SHISA6: variants seen among roughly 807,000 people sequenced by gnomAD.
SHISA6 encodes shisa family member 6, also known as protein shisa-6.
SHISA6 carries 22 observed loss-of-function variants against 47.9 expected under a neutral mutation model. The observed-to-expected ratio is 0.46, with a 90% CI of 0.33 to 0.66. The LOEUF is 0.66. Among genes scored for constraint, SHISA6 ranks in the 30% least tolerant of loss-of-function variants. The pLI, the probability that SHISA6 is intolerant of heterozygous loss-of-function variation, is 0.02. For missense variants in SHISA6, 680 were observed against 764.6 expected, an observed-to-expected ratio of 0.89 and a Z score of 1.30; for synonymous variants, 388 against 337.8, an observed-to-expected ratio of 1.15 and a Z score of -1.63.
At chr17:11,459,151 G>A (rs1470691632) in intron 3 of SHISA6, among the ~76,000 whole-genome samples, 3 of 150,862 alleles carry the variant, frequency 2.0e-5, no homozygotes, top group South Asian at 2.1e-4. Flanking sequence ...CCTGGGAGGT[G>A]GAGCTTGCAG....
At chr17:11,417,039 AATT>A (rs1914301346) in intron 3 of SHISA6, among the ~76,000 whole-genome samples, 1 of 152,206 alleles carries the variant, frequency 6.6e-6, no homozygotes, top group African/African-American at 2.4e-5. Flanking sequence ...ATTAAAATAA[AATT>A]ATATGAAATC....
chr17:11,539,827 C>T lies in SHISA6; in HGVS notation c.896-12069C>T, dbSNP rs190111991. Among the ~76,000 whole-genome samples the T allele has an allele frequency of 2.0e-5, 3 of 152,256 alleles. No individual in the cohort carries two copies. In the East Asian group the frequency reaches 5.8e-4, roughly 29 times the overall value. Reference sequence around the variant, plus strand: ...TCAATCCATCAGGAAGGCTGATATCCCTGACTGGGCACTGTGCCAAAGCCC... The same window carrying T: ...TCAATCCATCAGGAAGGCTGATATCTCTGACTGGGCACTGTGCCAAAGCCC... On this transcript the variant is annotated intron_variant, in intron 3 of 5. Coordinates refer to ENST00000441885, the MANE Select transcript of SHISA6 (RefSeq NM_207386.4).
At chr17:11,415,078 TAA>T (rs5819316) in intron 3 of SHISA6, among the ~76,000 whole-genome samples, 10 of 137,632 alleles carry the variant, frequency 7.3e-5, no homozygotes, top group African/African-American at 8.1e-5. Flanking sequence ...AAACTCCATC[TAA>T]AAAAAAAAAA....
At chr17:11,337,018 C>A (rs1316399891) in intron 2 of SHISA6, among the ~76,000 whole-genome samples, 1 of 152,138 alleles carries the variant, frequency 6.6e-6, no homozygotes, top group Non-Finnish European at 1.5e-5. Context: ...GGGATGTAGA[C>A]CCAAATGGAC....
At chr17:11,353,172 A>G (rs967637470) in intron 2 of SHISA6, among the ~76,000 whole-genome samples, 2 of 152,052 alleles carry the variant, frequency 1.3e-5, no homozygotes, top group African/African-American at 4.8e-5. Context: ...AAAAAGGAGA[A>G]CACGGGCCGG....
intron 4 of SHISA6, among the ~76,000 whole-genome samples, chr17:11,554,513 C>A (rs1294823391): frequency 6.6e-6 from 1 of 152,174 alleles, no homozygotes; most frequent in East Asian, 1.9e-4. Flanking sequence ...TTCCTGCTTT[C>A]CACGTTTCCA....
chr17:11,398,611 T>G (rs1913657210), intron 3 of SHISA6, among the ~76,000 whole-genome samples: 2 of 152,080 alleles, frequency 1.3e-5, no homozygotes. Flanking sequence ...TTGTTTTTTT[T>G]TTGACAGACT....
At chr17:11,344,082 A>G (rs907730601) in intron 2 of SHISA6, among the ~76,000 whole-genome samples, 1 of 152,162 alleles carries the variant, frequency 6.6e-6, no homozygotes, top group African/African-American at 2.4e-5. Flanking sequence ...GGCTAATGAC[A>G]TTAGGCATCT....
In SHISA6 at chr17:11,372,651, T is replaced by C. The variant is rs549213933; in HGVS notation, c.800-6763T>C. 3.9e-5 allele frequency among the ~76,000 whole-genome samples: 6 copies of C among 152,330 alleles called. No individual in the cohort carries two copies. In the South Asian group the frequency reaches 8.3e-4, roughly 21 times the overall value. On this transcript the variant is annotated intron_variant, in intron 2 of 5. Coordinates refer to ENST00000441885, the MANE Select transcript of SHISA6 (RefSeq NM_207386.4). The stretch of plus-strand genomic sequence containing the variant: ...TTTGTACCTGTGTGCCTTTTCATTA[T>C]TGACATGCTGGAGTTTTTTGTAAAC...
chr17:11,523,192 AG>A (rs1319878566), intron 3 of SHISA6, among the ~76,000 whole-genome samples: 2 of 152,220 alleles, frequency 1.3e-5, no homozygotes, highest in Non-Finnish European at 2.9e-5. Context: ...GGCACGTTCT[AG>A]GGCTGAGCAG....
intron 3 of SHISA6, among the ~76,000 whole-genome samples, chr17:11,527,671 T>C (rs1369707147): frequency 2.6e-5 from 4 of 152,174 alleles, no homozygotes; most frequent in Non-Finnish European, 4.4e-5. Context: ...TTTTTGTAAA[T>C]AAAGTTTTAT....
chr17:11,484,423 CAG>C (rs1362730947), intron 3 of SHISA6, among the ~76,000 whole-genome samples: 1 of 152,248 alleles, frequency 6.6e-6, no homozygotes, highest in South Asian at 2.1e-4. Flanking sequence ...TGTTTTGAGA[CAG>C]AGTCTTGCTC....
chr17:11,364,396 C>A (rs1247946062), intron 2 of SHISA6, among the ~76,000 whole-genome samples: 2 of 152,188 alleles, frequency 1.3e-5, no homozygotes, highest in Non-Finnish European at 1.5e-5. Context: ...TCTTGGTCTT[C>A]ATACAAATGA....
chr17:11,347,488 C>G (rs758388879), intron 2 of SHISA6, among the ~76,000 whole-genome samples: 5 of 152,196 alleles, frequency 3.3e-5, no homozygotes, highest in Non-Finnish European at 7.4e-5. Flanking sequence ...ATATCAGAAC[C>G]TATAATACAT....
chr17:11,556,116 T>G (rs1305458748), intron 5 of SHISA6, among the ~76,000 whole-genome samples: 5 of 152,194 alleles, frequency 3.3e-5, no homozygotes, highest in Admixed American at 6.5e-5. Context: ...AATCCTCAGA[T>G]TCACATCCCT....
chr17:11,448,094 C>G (rs1018883094), intron 3 of SHISA6, among the ~76,000 whole-genome samples: 3 of 152,172 alleles, frequency 2.0e-5, no homozygotes, highest in African/African-American at 4.8e-5. Context: ...TATAATCTCC[C>G]TGGGAGCTGG....
chr17:11,345,496 C>A (rs895795065), intron 2 of SHISA6, among the ~76,000 whole-genome samples: 7 of 152,050 alleles, frequency 4.6e-5, no homozygotes, highest in African/African-American at 1.7e-4. Context: ...ATTTCATATG[C>A]AATTTCTTAA....
At chr17:11,447,536 C>A (rs146912828) in intron 3 of SHISA6, among the ~76,000 whole-genome samples, 1 of 152,176 alleles carries the variant, frequency 6.6e-6, no homozygotes, top group East Asian at 1.9e-4. Flanking sequence ...ATTAACAGCT[C>A]GCCTTACTTC....
chr17:11,314,932 G>C (rs1362341714), intron 2 of SHISA6, among the ~76,000 whole-genome samples: 1 of 151,994 alleles, frequency 6.6e-6, no homozygotes. Context: ...AAATATTACT[G>C]GTTGTTCATG....
Sources: allele counts gnomAD v4.1 joint callset (sites outside exome capture counted in the v4.1 genomes callset), GRCh38; gene constraint gnomAD v4.1.1; transcripts MANE v1.5; gene names NCBI Gene and HGNC (gene_info 2026-07-23, HGNC 2026-07-21).